Variants in MUC5AC observed in about 807,000 individuals in gnomAD.
MUC5AC encodes mucin 5AC, oligomeric mucus/gel-forming, also known as mucin-5AC.
Under a neutral mutation model 169.7 loss-of-function variants are expected in MUC5AC, and 158 were observed. The observed-to-expected ratio is 0.93, with a 90% CI of 0.82 to 1.06. The LOEUF (loss-of-function observed/expected upper bound fraction) is 1.06, where lower values mean the gene tolerates loss of function less well. Among genes scored for constraint, MUC5AC ranks in the 50% least tolerant of loss-of-function variants. The pLI, the probability that MUC5AC is intolerant of heterozygous loss-of-function variation, is 0.00. For synonymous variants in MUC5AC, 1,975 were observed against 1,237.0 expected, an observed-to-expected ratio of 1.60 and a Z score of -12.52; for missense variants, 4,359 against 3,089.9, an observed-to-expected ratio of 1.41 and a Z score of -9.74.
intron 3 of MUC5AC, 68 bp from the exon 4 acceptor site, chr11:1,161,839 G>A (rs1358174777): frequency 1.9e-6 from 3 of 1,544,184 alleles, no homozygotes; most frequent in Non-Finnish European, 1.7e-6. Context: ...GAGGTACAGG[G>A]CAGAGGCAGG....
At chr11:1,158,864 C>T (rs1320508028) in intron 1 of MUC5AC, among the ~76,000 whole-genome samples, 1 of 152,230 alleles carries the variant, frequency 6.6e-6, no homozygotes, top group Non-Finnish European at 1.5e-5. Flanking sequence ...GCCTCTGGCC[C>T]TCTGCCAGGC....
intron 15 of MUC5AC, 55 bp downstream of exon 15, chr11:1,169,081 C>T: frequency 6.7e-7 from 1 of 1,490,220 alleles, no homozygotes; most frequent in Non-Finnish European, 8.9e-7. Context: ...GGTTCACCCG[C>T]TTCCATTTGG....
Position 1,185,593 on chromosome 11 carries a change from G to A in MUC5AC, c.7448G>A (p.Ser2483Asn), listed in dbSNP as rs1392378949. 15 of 726,510 alleles carry A rather than the reference G, an allele frequency of 2.1e-5. No individual in the cohort carries two copies. Among genetic ancestry groups the A allele is most frequent in the East Asian group, 7.6e-5 (3 of 39,270 alleles). 45.0% of individuals were successfully genotyped at this position (726,510 alleles called of 1,614,324 possible). A position where few individuals can be genotyped will look rare whatever the true frequency, so the allele number is the denominator to read the frequency against. The change falls in exon 31 of 49, where the codon AGC (serine) becomes AAC (asparagine). Residue 2483 changes from serine to asparagine, a missense_variant. Coordinates refer to ENST00000621226, the MANE Select transcript of MUC5AC (RefSeq NM_001304359.2). ...KSSTTSAATT[S>N]TTSGPETTPR... is the part of the protein sequence containing the mutation. ...AGCACAACCTCTGCCGCTACAACCA[G>A]CACAACCTCTGGTCCTGAAACTACT...
At chr11:1,170,913 CCTCA>C (rs1278044308) in intron 15 of MUC5AC, among the ~76,000 whole-genome samples, 7 of 128,198 alleles carry the variant, frequency 5.5e-5, no homozygotes, top group Admixed American at 7.8e-5. Flanking sequence ...CACTCACTCA[CCTCA>C]CTCACTCACC....
At chr11:1,165,590 G>A (rs368813382) in intron 10 of MUC5AC, 32 bp from the exon 11 acceptor site, 865 of 1,609,200 alleles carry the variant, frequency 5.4e-4, no homozygotes, top group Non-Finnish European at 7.0e-4. Flanking sequence ...TCCTGGGGCC[G>A]GCACCCACGT....
chr11:1,162,633 A>G lies in MUC5AC; in HGVS notation c.575A>G (p.Asp192Gly), dbSNP rs758745372. 3.7e-5 allele frequency: 60 copies of G among 1,612,550 alleles called. 1 individual carries two copies. In the South Asian group the frequency reaches 5.5e-4, roughly 15 times the overall value. The change falls in exon 5 of 49, where the codon GAT becomes GGT. Residue 192 changes from aspartate to glycine, a missense_variant. By Grantham distance (94) the Asp-to-Gly change is moderately conservative. Coordinates refer to ENST00000621226, the MANE Select transcript of MUC5AC (RefSeq NM_001304359.2). The part of the protein sequence containing the change: ...RLGLVLMWNH[D>G]DSLLLELDTK... ...GGCCTTGTCCTCATGTGGAACCACG[A>G]TGACAGCCTGCTGGTGAGGCTGGGT... is the stretch of plus-strand genomic sequence containing the variant.
rs1159633371 is a variant in MUC5AC, at chr11:1,199,968, A to G, written c.16699A>G (p.Met5567Val). 2.6e-6 allele frequency: 2 copies of G among 760,818 alleles called. No individual in the cohort carries two copies. Among genetic ancestry groups the G allele is most frequent in the South Asian group, 1.4e-5 (1 of 73,782 alleles). 47.1% of individuals were successfully genotyped at this position (760,818 alleles called of 1,614,324 possible). The change falls in exon 48 of 49, where the codon ATG becomes GTG. Residue 5567 changes from methionine (M) to valine (V), a missense_variant and splice_region_variant. By Grantham distance (21) the Met-to-Val change is conservative (BLOSUM62 1). Transcript: ENST00000621226. ...GGGGAACTGTGGGGACAGCTCTTCC[A>G]TGTACGTGCCTGGGCAGCAGGCAGG... ...CRGNCGDSSS[M>V]YSLEGNTVEH...
intron 2 of MUC5AC, among the ~76,000 whole-genome samples, chr11:1,161,247 T>A (rs1353650878): frequency 1.3e-5 from 2 of 152,148 alleles, no homozygotes; most frequent in Non-Finnish European, 2.9e-5. Context: ...AGACTCAGGT[T>A]CTGAGGCCCA....
rs759617586 is a variant in MUC5AC at position 1,165,639 on chromosome 11, G to A, written c.1265G>A (p.Arg422Gln). ...GCTCTCAGCACCTGCTCCGGAGGCC[G>A]GTGGAGCTGCCAGGAGGTTCCATGC... ...DCTNCTCSGG[R>Q]WSCQEVPCPG... The change falls in exon 11 of 49, where the codon CGG (arginine) becomes CAG (glutamine). Residue 422 changes from arginine (R) to glutamine (Q), a missense_variant. Arg to Gln is a conservative substitution (Grantham distance 43). Coordinates refer to ENST00000621226, the MANE Select transcript of MUC5AC (RefSeq NM_001304359.2). 2.3e-5 allele frequency: 37 copies of A among 1,612,146 alleles called. No individual in the cohort carries two copies. Among genetic ancestry groups the A allele is most frequent in the South Asian group, 4.4e-5 (4 of 91,080 alleles).
rs55851815 is a variant in MUC5AC at position 1,167,873 on chromosome 11, G to A, written c.1387-4G>A. ...GAGGACCCCTGGTGTGTCGTGTTCC[G>A]CAGCCCTGTGACAGCAGTGCCTTCA... On this transcript the variant is annotated splice_region_variant and splice_polypyrimidine_tract_variant and intron_variant, in intron 11 of 48. Coordinates refer to ENST00000621226, the MANE Select transcript of MUC5AC (RefSeq NM_001304359.2). 6.0e-4 allele frequency: 934 copies of A among 1,549,716 alleles called. 7 individuals carry two copies. The African/African-American group carries it at 0.011, about 18-fold the overall frequency.
rs905681325 is a variant in MUC5AC, at chr11:1,167,858, G to A, written c.1387-19G>A. 1.3e-6 allele frequency: 2 copies of A among 1,546,344 alleles called. No individual in the cohort carries two copies. Among genetic ancestry groups the A allele is most frequent in the African/African-American group, 2.7e-5 (2 of 73,106 alleles). ...CGTTGGATGGAGTGTGAGGACCCCT[G>A]GTGTGTCGTGTTCCGCAGCCCTGTG... On this transcript the variant is annotated intron_variant, in intron 11 of 48. Coordinates refer to ENST00000621226, the MANE Select transcript of MUC5AC (RefSeq NM_001304359.2).
rs187010181 is a variant in MUC5AC at position 1,192,590 on chromosome 11, G to A, written c.14380+65G>A. ...CCTGGTCAGTTTTTTATCCAGGAACGCCAAGCTGTGATGATGATAGGAGTC... is the reference window on the plus strand; with the variant it reads ...CCTGGTCAGTTTTTTATCCAGGAACACCAAGCTGTGATGATGATAGGAGTC... On this transcript the variant is annotated intron_variant, in intron 31 of 48. Coordinates refer to ENST00000621226, the MANE Select transcript of MUC5AC (RefSeq NM_001304359.2). The A allele has an allele frequency of 9.1e-5, 67 of 735,978 alleles. No homozygotes were observed. The East Asian group carries it at 1.1e-3, about 12-fold the overall frequency. The allele number at this position is 735,978 out of a possible 1,614,324, so 45.6% of individuals were successfully genotyped here.
rs746993872 is a variant in MUC5AC, at chr11:1,193,552, T to C, written c.14648T>C (p.Leu4883Pro). The C allele has an allele frequency of 2.6e-6, 2 of 763,630 alleles. No individual in the cohort carries two copies. Among genetic ancestry groups the C allele is most frequent in the Non-Finnish European group, 2.4e-6 (1 of 417,310 alleles). 47.3% of individuals were successfully genotyped at this position (763,630 alleles called of 1,614,324 possible). A position where few individuals can be genotyped will look rare whatever the true frequency, so the allele number is the denominator to read the frequency against. The change falls in exon 33 of 49, where the codon CTG becomes CCG. Residue 4883 changes from leucine to proline, a missense_variant. By Grantham distance (98) the Leu-to-Pro change is moderately conservative. Coordinates refer to ENST00000621226, the MANE Select transcript of MUC5AC (RefSeq NM_001304359.2). Reference sequence around the variant, plus strand: ...TGTGAGGGCAACAACGTCATCTCCCTGCGCCCGCGCACGTGCCCGAGGGTG... The same window carrying C: ...TGTGAGGGCAACAACGTCATCTCCCCGCGCCCGCGCACGTGCCCGAGGGTG... ...ATCEGNNVIS[L>P]RPRTCPRVEK...
rs1293514791 is a variant in MUC5AC at position 1,164,295 on chromosome 11, G to C, written c.979G>C (p.Asp327His). The change falls in exon 8 of 49, where the codon GAC becomes CAC. Residue 327 changes from aspartate (D) to histidine (H), a missense_variant. Transcript: ENST00000621226. ...CACCCATGCAGGGGGGTTGCCCCAG[G>C]ACTGGCGGGGCCCTGACTTCTGCCG... The part of the protein sequence containing the change: ...QCTHAGGLPQ[D>H]WRGPDFCPQK... 14 of 1,612,370 alleles carry C rather than the reference G, an allele frequency of 8.7e-6. No homozygotes were observed. Among genetic ancestry groups the C allele is most frequent in the Middle Eastern group, 1.6e-4 (1 of 6,062 alleles).
chr11:1,199,932 G>A lies in MUC5AC; in HGVS notation c.16663G>A (p.Ala5555Thr), dbSNP rs2133780545. The A allele has an allele frequency of 1.3e-6, 1 of 764,258 alleles. No homozygotes were observed. The highest frequency in any genetic ancestry group is 2.4e-5 in the East Asian group (1 of 41,222). 47.3% of individuals were successfully genotyped at this position (764,258 alleles called of 1,614,324 possible). ...CAGCTCCTCGGAGCCCGTGCGCCTG[G>A]CTTACTGCCGGGGGAACTGTGGGGA... Reference protein sequence around the residue: ...GCSSSEPVRLAYCRGNCGDSS... With the variant: ...GCSSSEPVRLTYCRGNCGDSS... Residue 5555 changes from alanine to threonine, a missense_variant, in exon 48 of 49, where the codon GCT (alanine) becomes ACT (threonine). By Grantham distance (58) the Ala-to-Thr change is moderately conservative. Coordinates refer to ENST00000621226, the MANE Select transcript of MUC5AC (RefSeq NM_001304359.2).
Position 1,194,509 on chromosome 11 carries a change from T to A in MUC5AC, c.15029T>A (p.Val5010Asp). The A allele has an allele frequency of 1.3e-6, 1 of 761,100 alleles. No homozygotes were observed. The allele number at this position is 761,100 out of a possible 1,614,324, so 47.1% of individuals were successfully genotyped here. A position where few individuals can be genotyped will look rare whatever the true frequency, so the allele number is the denominator to read the frequency against. Residue 5010 changes from valine (V) to aspartate (D), a missense_variant, in exon 35 of 49, where the codon GTC becomes GAC. Transcript: ENST00000621226. ...CAGATCATCTTCAACAACAAGGTGGTCAGCCCCGGCTTCCGGAAAAACGGC... is the reference window on the plus strand; with the variant it reads ...CAGATCATCTTCAACAACAAGGTGGACAGCCCCGGCTTCCGGAAAAACGGC... ...TNEIIFNNKV[V>D]SPGFRKNGIV...
Position 1,162,626 on chromosome 11 carries a change from A to C in MUC5AC, c.568A>C (p.Asn190His), listed in dbSNP as rs1564905923. 6.2e-7 allele frequency: 1 copy of C among 1,612,512 alleles called. No homozygotes were observed. Among genetic ancestry groups the C allele is most frequent in the Non-Finnish European group, 8.5e-7 (1 of 1,179,820 alleles). The change falls in exon 5 of 49, where the codon AAC becomes CAC. Residue 190 changes from asparagine (N) to histidine (H), a missense_variant. By Grantham distance (68) the Asn-to-His change is moderately conservative. Transcript: ENST00000621226. ...EARLGLVLMW[N>H]HDDSLLLELD... The stretch of plus-strand genomic sequence containing the variant: ...CAGGCTGGGCCTTGTCCTCATGTGG[A>C]ACCACGATGACAGCCTGCTGGTGAG...
rs1202041380 is a variant in MUC5AC, at chr11:1,188,528, C to T, written c.10383C>T (p.Ser3461=). 1.3e-6 allele frequency: 1 copy of T among 741,794 alleles called. No homozygotes were observed. The highest frequency in any genetic ancestry group is 2.5e-6 in the Non-Finnish European group (1 of 405,058). The allele number at this position is 741,794 out of a possible 1,614,324, so 46.0% of individuals were successfully genotyped here. A position where few individuals can be genotyped will look rare whatever the true frequency, so the allele number is the denominator to read the frequency against. ...GCACAACCTCTGCCCCTACAAGCAG[C>T]ACAACCTCCACTCCACAGACCAGCA... ...TTSTTSAPTS[S]TTSTPQTSKT... The change falls in exon 31 of 49, where the codon AGC becomes AGT. Residue 3461 remains serine (S), a synonymous_variant. Coordinates refer to ENST00000621226, the MANE Select transcript of MUC5AC (RefSeq NM_001304359.2).
Position 1,184,806 on chromosome 11 carries a change from C to T in MUC5AC, c.6661C>T (p.Pro2221Ser). 6 of 649,890 alleles carry T rather than the reference C, an allele frequency of 9.2e-6. No homozygotes were observed. Among genetic ancestry groups the T allele is most frequent in the South Asian group, 7.0e-5 (4 of 56,882 alleles). 40.3% of individuals were successfully genotyped at this position (649,890 alleles called of 1,614,324 possible). A position where few individuals can be genotyped will look rare whatever the true frequency, so the allele number is the denominator to read the frequency against. Residue 2221 changes from proline to serine, a missense_variant, in exon 31 of 49, where the codon CCC becomes TCC. Transcript: ENST00000621226. ...VLCCETPKGC[P>S]VTSTPVTAPS... ...CTGCTGCGAGACCCCCAAAGGCTGC[C>T]CCGTGACCTCCACACCTGTGACAGC...
Sources: gnomAD v4.1 joint callset for allele counts (sites outside exome capture counted in the v4.1 genomes callset) on GRCh38, gnomAD v4.1.1 for gene constraint, MANE v1.5 for transcripts, NCBI Gene and HGNC (gene_info 2026-07-23, HGNC 2026-07-21) for gene names.